The following EPHA6 variants were observed in gnomAD, a reference collection of about 807,000 sequenced individuals.
The protein encoded by EPHA6 is EPH receptor A6, also known as ephrin type-A receptor 6.
A neutral mutation model predicts 112.0 loss-of-function variants in EPHA6; 50 were observed. That is an observed-to-expected ratio of 0.45 (90% CI 0.36 to 0.56). The LOEUF (loss-of-function observed/expected upper bound fraction) is 0.56. Among genes scored for constraint, EPHA6 ranks in the 20% least tolerant of loss-of-function variants. The pLI is 0.00. For synonymous variants in EPHA6, 529 were observed against 490.7 expected (o/e 1.08, Z -1.03); for missense variants, 1,280 against 1,417.4 (o/e 0.90, Z 1.56).
intron 2 of EPHA6, among the ~76,000 whole-genome samples, chr3:96,983,606 C>T (rs1313865441): frequency 6.6e-6 from 1 of 152,188 alleles, no homozygotes; most frequent in African/African-American, 2.4e-5. Flanking sequence ...GCCTGCCTTG[C>T]TAGGTTGGGG....
intron 1 of EPHA6, among the ~76,000 whole-genome samples, chr3:96,840,063 C>T (rs555813112): frequency 2.6e-5 from 4 of 152,020 alleles, no homozygotes; most frequent in Non-Finnish European, 4.4e-5. Flanking sequence ...GGAACATGTG[C>T]TGGCTGATAA....
At chr3:96,952,837 A>G (rs1054741170) in intron 2 of EPHA6, among the ~76,000 whole-genome samples, 1 of 152,124 alleles carries the variant, frequency 6.6e-6, no homozygotes. Flanking sequence ...GAGGGGAACA[A>G]CACTGTAGTA....
chr3:97,378,728 AC>A (rs1187302185), intron 5 of EPHA6, among the ~76,000 whole-genome samples: 1 of 152,144 alleles, frequency 6.6e-6, no homozygotes, highest in Non-Finnish European at 1.5e-5. Flanking sequence ...TGGATTTCAG[AC>A]TTTCATGGGC....
chr3:97,567,615 A>G lies in EPHA6; in HGVS notation c.2387-24997A>G, dbSNP rs184729323. Among the ~76,000 whole-genome samples the G allele has an allele frequency of 1.1e-4, 17 of 152,304 alleles. No individual in the cohort carries two copies. In the East Asian group the frequency reaches 3.3e-3, roughly 29 times the overall value. On this transcript the variant is annotated intron_variant, in intron 11 of 17. Transcript: ENST00000389672. The stretch of plus-strand genomic sequence containing the variant: ...CTAATATAACTGGCGTACAAATAAG[A>G]ATAAAAGAGAGAGACACATATGGAG...
At chr3:97,459,902 C>T (rs930986031) in intron 7 of EPHA6, among the ~76,000 whole-genome samples, 4 of 152,218 alleles carry the variant, frequency 2.6e-5, no homozygotes, top group Non-Finnish European at 5.9e-5. Flanking sequence ...CATATTTGGT[C>T]TGTGAACTTT....
At chr3:97,571,716 G>C (rs1162371203) in intron 11 of EPHA6, among the ~76,000 whole-genome samples, 1 of 152,156 alleles carries the variant, frequency 6.6e-6, no homozygotes, top group African/African-American at 2.4e-5. Flanking sequence ...CGTTAGACCT[G>C]AATTCTTCCG....
intron 2 of EPHA6, among the ~76,000 whole-genome samples, chr3:96,869,977 G>T (rs2036545182): frequency 6.6e-6 from 1 of 151,920 alleles, no homozygotes. Flanking sequence ...GATCACTAGG[G>T]CTTCAGCAAT....
In EPHA6 at chr3:97,436,871, G is replaced by A. The variant is rs139341773; in HGVS notation, c.1732-11697G>A. Among the ~76,000 whole-genome samples, 161 of 152,150 alleles carry A rather than the reference G, an allele frequency of 1.1e-3. 1 individual carries two copies. Among genetic ancestry groups the A allele is most frequent in the African/African-American group, 3.5e-3 (147 of 41,508 alleles). On this transcript the variant is annotated intron_variant, in intron 6 of 17. Transcript: ENST00000389672. The stretch of plus-strand genomic sequence containing the variant: ...CTTAATCTGTCCTATAATCCAGTTA[G>A]CACTACTGTAAAAAAATCCAATGCA...
chr3:97,444,843 A>T lies in EPHA6; in HGVS notation c.1732-3725A>T, dbSNP rs2090274896. 2.0e-5 allele frequency among the ~76,000 whole-genome samples: 3 copies of T among 152,116 alleles called. No homozygotes were observed. In the South Asian group the frequency reaches 6.2e-4, roughly 31 times the overall value. The stretch of plus-strand genomic sequence containing the variant: ...CCATTTTAGTTACCATGAAAAGTTG[A>T]CACCTATAAAGCTAAGTTCAGTATT... On this transcript the variant is annotated intron_variant, in intron 6 of 17. Coordinates refer to ENST00000389672, the MANE Select transcript of EPHA6 (RefSeq NM_001080448.3).
chr3:96,940,089 G>C (rs185982191), intron 2 of EPHA6, among the ~76,000 whole-genome samples: 30 of 152,294 alleles, frequency 2.0e-4, no homozygotes, highest in Admixed American at 1.0e-3. Context: ...TGTTGATCTG[G>C]GGTGGAGAGT....
At chr3:97,461,733 G>A (rs1388189923) in intron 7 of EPHA6, among the ~76,000 whole-genome samples, 1 of 152,068 alleles carries the variant, frequency 6.6e-6, no homozygotes, top group African/African-American at 2.4e-5. Flanking sequence ...TTTGGTGTTA[G>A]TTTTTGTTTA....
At chr3:97,626,998 T>C (rs968317856) in intron 13 of EPHA6, among the ~76,000 whole-genome samples, 1 of 151,924 alleles carries the variant, frequency 6.6e-6, no homozygotes, top group African/African-American at 2.4e-5. Flanking sequence ...AACATTTACA[T>C]GTGCTTTCTA....
intron 3 of EPHA6, among the ~76,000 whole-genome samples, chr3:97,052,451 G>A (rs2045714897): frequency 6.6e-6 from 1 of 152,032 alleles, no homozygotes; most frequent in Non-Finnish European, 1.5e-5. Flanking sequence ...TACTGTGTGA[G>A]TTCCTTGAAG....
intron 5 of EPHA6, among the ~76,000 whole-genome samples, chr3:97,311,491 A>G (rs935445396): frequency 1.3e-5 from 2 of 149,476 alleles, no homozygotes; most frequent in African/African-American, 2.5e-5. Flanking sequence ...CTCTGGGTCA[A>G]TATTTTGATT....
intron 14 of EPHA6, among the ~76,000 whole-genome samples, chr3:97,663,345 T>G (rs2094182485): frequency 6.6e-6 from 1 of 152,006 alleles, no homozygotes; most frequent in South Asian, 2.1e-4. Context: ...ATATACTTTT[T>G]TTATTATACT....
chr3:97,456,230 G>A (rs1288862703), intron 7 of EPHA6, among the ~76,000 whole-genome samples: 2 of 151,982 alleles, frequency 1.3e-5, no homozygotes, highest in African/African-American at 4.8e-5. Flanking sequence ...CAAGATCAGG[G>A]AACATTTCTT....
At chr3:97,077,641 C>G (rs2046575516) in intron 3 of EPHA6, among the ~76,000 whole-genome samples, 3 of 151,660 alleles carry the variant, frequency 2.0e-5, no homozygotes, top group African/African-American at 7.3e-5. Flanking sequence ...AGAACATGCG[C>G]TGTCTGGTTT....
At chr3:97,461,710 A>G (rs2090894499) in intron 7 of EPHA6, among the ~76,000 whole-genome samples, 1 of 152,086 alleles carries the variant, frequency 6.6e-6, no homozygotes, top group Non-Finnish European at 1.5e-5. Context: ...TACTATAGGG[A>G]TAGTTAGCTA....
chr3:96,994,202 A>G (rs769597609), intron 3 of EPHA6: 8 of 407,662 alleles, frequency 2.0e-5, no homozygotes, highest in South Asian at 1.9e-4. Context: ...AAAATTTAAA[A>G]GCAAACACGA....
Sources: allele counts gnomAD v4.1 joint callset (sites outside exome capture counted in the v4.1 genomes callset), GRCh38; gene constraint gnomAD v4.1.1; transcripts MANE v1.5; gene names NCBI Gene and HGNC (gene_info 2026-07-23, HGNC 2026-07-21).